Variants in WDTC1 observed in about 807,000 individuals in gnomAD.
WDTC1 encodes the protein WD and tetratricopeptide repeats 1.
WDTC1 carries 12 observed loss-of-function variants against 76.0 expected under a neutral mutation model. The observed-to-expected ratio is 0.16, with a 90% CI of 0.10 to 0.26. The LOEUF is 0.26. WDTC1 is among the 10% of genes least tolerant of loss of function. The pLI, the probability that WDTC1 is intolerant of heterozygous loss-of-function variation, is 1.00. For missense variants in WDTC1, 511 were observed against 908.8 expected (o/e 0.56, Z 5.63); for synonymous variants, 326 against 350.8 (o/e 0.93, Z 0.79).
In WDTC1 at chr1:27,294,675, C is replaced by T. The variant is rs1187216192; in HGVS notation, c.873+46C>T. On this transcript the variant is annotated intron_variant, in intron 9 of 15. Transcript: ENST00000319394. ...TTCTGCCCCATCACCATTCCATGCC[C>T]AGCAGCCAGGGGCATGTACCTTATG... The T allele has an allele frequency of 4.5e-6, 7 of 1,549,920 alleles. No homozygotes were observed. In the African/African-American group the frequency reaches 5.4e-5, roughly 12 times the overall value.
At chr1:27,282,319 G>T in intron 4 of WDTC1, 34 bp downstream of exon 4, 1 of 1,606,110 alleles carries the variant, frequency 6.2e-7, no homozygotes, top group South Asian at 1.1e-5. Flanking sequence ...AAGGGTGCTG[G>T]GGAAGGAAGT....
intron 3 of WDTC1, among the ~76,000 whole-genome samples, chr1:27,276,337 C>G (rs1033228364): frequency 6.2e-4 from 94 of 152,294 alleles, no homozygotes; most frequent in African/African-American, 1.8e-3. Flanking sequence ...ATTTTACATT[C>G]CCACCAGAAA....
chr1:27,299,745 G>A (rs1209168545), intron 12 of WDTC1, among the ~76,000 whole-genome samples: 1 of 152,156 alleles, frequency 6.6e-6, no homozygotes, highest in Non-Finnish European at 1.5e-5. Flanking sequence ...CTGAGCAGGA[G>A]AGGGATGTGC....
chr1:27,293,056 C>G (rs940165229), intron 7 of WDTC1, among the ~76,000 whole-genome samples: 1 of 151,348 alleles, frequency 6.6e-6, no homozygotes, highest in African/African-American at 2.4e-5. Flanking sequence ...CCAGCCTGGC[C>G]CCTTCTTCTT....
At position 27,301,778 on chromosome 1, in the gene WDTC1, C is replaced by G. The variant is rs1047668226; in HGVS notation, c.1468+317C>G. 5.9e-5 allele frequency among the ~76,000 whole-genome samples: 9 copies of G among 152,336 alleles called. 1 individual carries two copies. The highest frequency in any genetic ancestry group is 2.2e-4 in the African/African-American group (9 of 41,572). ...CTCAGTCAGGCTCCCGCTAGGCATT[C>G]ACACCTGCTTAGACAGGGCCCTGGT... is the stretch of plus-strand genomic sequence containing the variant. On this transcript the variant is annotated intron_variant, in intron 13 of 15. Coordinates refer to ENST00000319394, the MANE Select transcript of WDTC1 (RefSeq NM_001276252.2). This position sits in a 1 kb window ranked among gnomAD's most constrained non-coding sequence, Gnocchi z 5.8.
intron 1 of WDTC1, among the ~76,000 whole-genome samples, chr1:27,239,355 A>G (rs1426918497): frequency 6.6e-6 from 1 of 150,604 alleles, no homozygotes; most frequent in Non-Finnish European, 1.5e-5. Flanking sequence ...CAGTCTCTAC[A>G]AAAAGAAAAT....
rs1024618573 is a variant in WDTC1, at chr1:27,274,616, A to G, written c.133-7623A>G. On this transcript the variant is annotated intron_variant, in intron 3 of 15. Transcript: ENST00000319394. The surrounding 1 kb of genome is among the most constrained non-coding windows in gnomAD (Gnocchi z 4.2). Reference sequence around the variant, plus strand: ...GTATATAAGACCCAATCAGTTTTCCACTTTCCTTGGACATTTTTGCTGAGC... The same window carrying G: ...GTATATAAGACCCAATCAGTTTTCCGCTTTCCTTGGACATTTTTGCTGAGC... Among the ~76,000 whole-genome samples the G allele has an allele frequency of 6.6e-6, 1 of 152,154 alleles. No homozygotes were observed. The highest frequency in any genetic ancestry group is 1.5e-5 in the Non-Finnish European group (1 of 68,030).
chr1:27,288,350 A>T (rs1385436242), intron 6 of WDTC1, among the ~76,000 whole-genome samples: 1 of 150,072 alleles, frequency 6.7e-6, no homozygotes, highest in Non-Finnish European at 1.5e-5. Context: ...ATTAATTTTT[A>T]TTTATTTATT....
chr1:27,279,556 T>A (rs892015632), intron 3 of WDTC1, among the ~76,000 whole-genome samples: 8 of 152,152 alleles, frequency 5.3e-5, no homozygotes, highest in African/African-American at 1.7e-4. Context: ...ATTTTTTGTT[T>A]CTTGGGATTT....
At position 27,260,003 on chromosome 1, in the gene WDTC1, C is replaced by T. The variant is rs148217504; in HGVS notation, c.-99-953C>T. ...AGTGAGCCATGATCATGCCACTGCA[C>T]TGCAGCCTGGGTGACAGAGTGAGAC... On this transcript the variant is annotated intron_variant, in intron 1 of 15. Coordinates refer to ENST00000319394, the MANE Select transcript of WDTC1 (RefSeq NM_001276252.2). Among the ~76,000 whole-genome samples the T allele has an allele frequency of 1.6e-3, 242 of 152,254 alleles. 2 individuals are homozygous for T. The highest frequency in any genetic ancestry group is 5.5e-3 in the African/African-American group (227 of 41,552).
At chr1:27,298,974 C>T (rs144530036) in intron 12 of WDTC1, among the ~76,000 whole-genome samples, 1 of 152,226 alleles carries the variant, frequency 6.6e-6, no homozygotes, top group East Asian at 1.9e-4. Flanking sequence ...AAGATGCTGT[C>T]CCCCGGCCTT....
At chr1:27,292,425 TGTGA>T (rs779646791) in intron 7 of WDTC1, 28 bp downstream of exon 7, 13 of 1,504,582 alleles carry the variant, frequency 8.6e-6, no homozygotes, top group Non-Finnish European at 1.1e-5. Flanking sequence ...TCCTGTCTCC[TGTGA>T]GTAAGTCCCC....
rs185314401 is a variant in WDTC1, at chr1:27,259,870, A to G, written c.-99-1086A>G. Among the ~76,000 whole-genome samples, 372 of 151,528 alleles carry G rather than the reference A, an allele frequency of 2.5e-3. 2 individuals are homozygous for G. Among genetic ancestry groups the G allele is most frequent in the African/African-American group, 7.5e-3 (312 of 41,362 alleles). ...ACTCCATCTCTACAAAAAAAAAAAAAAGAGAGAAAAGAAAAAATTAGCTGG... is the reference window on the plus strand; with the variant it reads ...ACTCCATCTCTACAAAAAAAAAAAAGAGAGAGAAAAGAAAAAATTAGCTGG... On this transcript the variant is annotated intron_variant, in intron 1 of 15. Coordinates refer to ENST00000319394, the MANE Select transcript of WDTC1 (RefSeq NM_001276252.2).
At chr1:27,272,621 G>A (rs2012903925) in intron 3 of WDTC1, among the ~76,000 whole-genome samples, 2 of 152,142 alleles carry the variant, frequency 1.3e-5, no homozygotes, top group African/African-American at 4.8e-5. Context: ...GGAAAGACGA[G>A]GAAGAACTCT....
In WDTC1 at chr1:27,261,100, A is replaced by G; in HGVS notation, c.46A>G (p.Lys16Glu). The change falls in exon 2 of 16, where the codon AAG becomes GAG. Residue 16 changes from lysine to glutamate, a missense_variant and splice_region_variant. Lys to Glu is a moderately conservative substitution (Grantham distance 56). Coordinates refer to ENST00000319394, the MANE Select transcript of WDTC1 (RefSeq NM_001276252.2). ...ITRDLIRRQI[K>E]ERGALSFERR... The stretch of plus-strand genomic sequence containing the variant: ...TAGAGACCTCATCCGTAGGCAGATC[A>G]AGGTAAGCAGCCCAGACTTCTGCAC... 6.2e-7 allele frequency: 1 copy of G among 1,614,068 alleles called. No individual in the cohort carries two copies. The highest frequency in any genetic ancestry group is 8.5e-7 in the Non-Finnish European group (1 of 1,179,958).
Position 27,305,302 on chromosome 1 carries a change from CTAAG to C in WDTC1, c.1836+114_1836+117del. On this transcript the variant is annotated intron_variant, in intron 15 of 15. Transcript: ENST00000319394. This position sits in a 1 kb window ranked among gnomAD's most constrained non-coding sequence, Gnocchi z 4.6. Reference sequence around the variant, plus strand: ...TGAGCCACCCAGAGGCTAGAAGCTGCTAAGTAAGCCTTACCCCGGGGCCCAAGGC... The same window carrying C: ...TGAGCCACCCAGAGGCTAGAAGCTGCTAAGCCTTACCCCGGGGCCCAAGGC... 1.5e-6 allele frequency: 2 copies of C among 1,332,802 alleles called. No individual in the cohort carries two copies. The highest frequency in any genetic ancestry group is 2.0e-6 in the Non-Finnish European group (2 of 1,001,862). 82.6% of individuals were successfully genotyped at this position (1,332,802 alleles called of 1,614,324 possible). A position where few individuals can be genotyped will look rare whatever the true frequency, so the allele number is the denominator to read the frequency against.
At position 27,301,074 on chromosome 1, in the gene WDTC1, C is replaced by T; in HGVS notation, c.1233-152C>T. On this transcript the variant is annotated intron_variant, in intron 12 of 15. Transcript: ENST00000319394. This position sits in a 1 kb window ranked among gnomAD's most constrained non-coding sequence, Gnocchi z 5.8. ...TGTCTCCTGATGGGGGAGGCCTGGG[C>T]TGAGCCAGGATTCTCTTCGTCCTCA... The T allele has an allele frequency of 1.5e-6, 1 of 684,636 alleles. No homozygotes were observed. The highest frequency in any genetic ancestry group is 1.8e-5 in the South Asian group (1 of 56,504). The allele number at this position is 684,636 out of a possible 1,614,324, so 42.4% of individuals were successfully genotyped here. A position where few individuals can be genotyped will look rare whatever the true frequency, so the allele number is the denominator to read the frequency against.
At chr1:27,243,972 A>G (rs2011721096) in intron 1 of WDTC1, among the ~76,000 whole-genome samples, 1 of 151,382 alleles carries the variant, frequency 6.6e-6, no homozygotes, top group Admixed American at 6.6e-5. Context: ...CAAAAAAAAA[A>G]AAAAAAAATG....
chr1:27,297,797 G>A, intron 11 of WDTC1, 141 bp from the exon 12 acceptor site: 1 of 787,238 alleles, frequency 1.3e-6, no homozygotes. Context: ...CCAGACCAGG[G>A]TAGTGGTCCC....
Sources: gnomAD v4.1 joint callset for allele counts (sites outside exome capture counted in the v4.1 genomes callset) on GRCh38, gnomAD v4.1.1 for gene constraint, Gnocchi (gnomAD v3.1) non-coding constraint, MANE v1.5 for transcripts, NCBI Gene and HGNC (gene_info 2026-07-23, HGNC 2026-07-21) for gene names.